COMMD10: variants seen among roughly 807,000 people sequenced by gnomAD.
The protein encoded by COMMD10 is COMM domain-containing protein 10.
Under a neutral mutation model 28.9 loss-of-function variants are expected in COMMD10, and 33 were observed. That is an observed-to-expected ratio of 1.14 (90% CI 0.87 to 1.53). The LOEUF is 1.53. COMMD10 is among the 40% of genes most tolerant of loss of function. The pLI, the probability that COMMD10 is intolerant of heterozygous loss-of-function variation, is 0.00. For missense variants in COMMD10, 310 were observed against 233.4 expected, an observed-to-expected ratio of 1.33 and a Z score of -2.14; for synonymous variants, 110 against 81.7, an observed-to-expected ratio of 1.35 and a Z score of -1.87.
chr5:116,261,541 C>T lies in COMMD10; in HGVS notation c.511-29976C>T, dbSNP rs1034764143. The stretch of plus-strand genomic sequence containing the variant: ...GCTGGGGACTTCTAAAAACATGTTA[C>T]CATGACTAGAAATTTTTATTTCAGT... On this transcript the variant is annotated intron_variant, in intron 5 of 6. Transcript: ENST00000274458. Among the ~76,000 whole-genome samples the T allele has an allele frequency of 7.3e-5, 11 of 151,704 alleles. No individual in the cohort carries two copies. The East Asian group carries it at 1.5e-3, about 21-fold the overall frequency.
chr5:116,118,259 TA>T (rs1250521642), intron 4 of COMMD10, among the ~76,000 whole-genome samples: 1 of 152,316 alleles, frequency 6.6e-6, no homozygotes, highest in South Asian at 2.1e-4. Flanking sequence ...CCATAATATT[TA>T]TTTTTTTTGT....
At chr5:116,206,638 G>A (rs547486163) in intron 5 of COMMD10, among the ~76,000 whole-genome samples, 9 of 151,946 alleles carry the variant, frequency 5.9e-5, no homozygotes, top group African/African-American at 2.2e-4. Context: ...GGCAACAAGA[G>A]TGAAACTCCA....
chr5:116,199,639 C>G (rs1245598961), intron 5 of COMMD10, among the ~76,000 whole-genome samples: 12 of 152,142 alleles, frequency 7.9e-5, no homozygotes, highest in Admixed American at 7.9e-4. Flanking sequence ...TTATGTAGAT[C>G]TGAGTTTCTG....
intron 5 of COMMD10, among the ~76,000 whole-genome samples, chr5:116,178,509 G>A (rs1031106245): frequency 6.6e-6 from 1 of 151,918 alleles, no homozygotes; most frequent in African/African-American, 2.4e-5. Flanking sequence ...ATGTATCTTG[G>A]GTATGCAAAT....
chr5:116,163,061 A>G (rs751486614), intron 5 of COMMD10, among the ~76,000 whole-genome samples: 10 of 152,082 alleles, frequency 6.6e-5, no homozygotes, highest in Non-Finnish European at 1.5e-4. Flanking sequence ...AGAGGTTCAG[A>G]TAAGAAGAGT....
intron 5 of COMMD10, among the ~76,000 whole-genome samples, chr5:116,269,328 G>C (rs1337666703): frequency 6.6e-6 from 1 of 151,790 alleles, no homozygotes; most frequent in Non-Finnish European, 1.5e-5. Flanking sequence ...AATCCACTTG[G>C]AGAAATTTTG....
intron 5 of COMMD10, among the ~76,000 whole-genome samples, chr5:116,149,379 G>A (rs1048471262): frequency 6.8e-6 from 1 of 146,160 alleles, no homozygotes; most frequent in African/African-American, 2.6e-5. Context: ...CGAGTAGTGG[G>A]ATGGCTGGGT....
At chr5:116,114,965 C>G (rs929732196) in intron 4 of COMMD10, among the ~76,000 whole-genome samples, 1 of 152,114 alleles carries the variant, frequency 6.6e-6, no homozygotes, top group Non-Finnish European at 1.5e-5. Flanking sequence ...GTCACGCTTG[C>G]TTTTCAGTCC....
intron 5 of COMMD10, among the ~76,000 whole-genome samples, chr5:116,204,219 G>T (rs1387822797): frequency 6.6e-6 from 1 of 152,146 alleles, no homozygotes; most frequent in Non-Finnish European, 1.5e-5. Flanking sequence ...ACCCAATACA[G>T]GAGCACCCGG....
chr5:116,218,502 A>T (rs1228962554), intron 5 of COMMD10, among the ~76,000 whole-genome samples: 1 of 152,110 alleles, frequency 6.6e-6, no homozygotes, highest in Non-Finnish European at 1.5e-5. Flanking sequence ...GTTTTTCCTC[A>T]CACAATTTCT....
At chr5:116,286,671 A>G (rs1311103345) in intron 5 of COMMD10, among the ~76,000 whole-genome samples, 1 of 151,612 alleles carries the variant, frequency 6.6e-6, no homozygotes, top group African/African-American at 2.4e-5. Flanking sequence ...TAGATTTCCC[A>G]GTTTTCCTTG....
At chr5:116,192,394 G>A (rs753640003) in intron 5 of COMMD10, among the ~76,000 whole-genome samples, 19 of 152,070 alleles carry the variant, frequency 1.2e-4, no homozygotes, top group Non-Finnish European at 2.4e-4. Flanking sequence ...GAAAGGTGAA[G>A]CCCAATGCAA....
In COMMD10 at chr5:116,261,156, A is replaced by G. The variant is rs138139597; in HGVS notation, c.511-30361A>G. On this transcript the variant is annotated intron_variant, in intron 5 of 6. Transcript: ENST00000274458. Reference sequence around the variant, plus strand: ...AAAAACATATTTCAGGAAGAAAACTATAACTAATTAAATTTCTCAGTACTA... The same window carrying G: ...AAAAACATATTTCAGGAAGAAAACTGTAACTAATTAAATTTCTCAGTACTA... Among the ~76,000 whole-genome samples, 53 of 151,958 alleles carry G rather than the reference A, an allele frequency of 3.5e-4. No homozygotes were observed. The East Asian group carries it at 9.3e-3, about 27-fold the overall frequency.
chr5:116,282,798 A>G (rs531670249), intron 5 of COMMD10, among the ~76,000 whole-genome samples: 1 of 151,980 alleles, frequency 6.6e-6, no homozygotes, highest in South Asian at 2.1e-4. Context: ...CTCATTGACT[A>G]CATTTTACCT....
intron 5 of COMMD10, among the ~76,000 whole-genome samples, chr5:116,173,799 AT>A (rs78899761): frequency 0.058 from 8,155 of 141,720 alleles, 306 homozygotes; most frequent in East Asian, 0.17. Context: ...TTGTTAATCC[AT>A]TTTTTTTCCA....
At chr5:116,098,837 T>G (rs983277033) in intron 4 of COMMD10, among the ~76,000 whole-genome samples, 18 of 152,198 alleles carry the variant, frequency 1.2e-4, no homozygotes, top group Non-Finnish European at 1.2e-4. Flanking sequence ...GTATAATTGA[T>G]AAACAAAAAT....
At position 116,147,188 on chromosome 5, in the gene COMMD10, T is replaced by C. The variant is rs1203203541; in HGVS notation, c.510+13010T>C. Among the ~76,000 whole-genome samples, 4 of 151,890 alleles carry C rather than the reference T, an allele frequency of 2.6e-5. No individual in the cohort carries two copies. In the East Asian group the frequency reaches 7.7e-4, roughly 29 times the overall value. On this transcript the variant is annotated intron_variant, in intron 5 of 6. Transcript: ENST00000274458. ...GAATCTGCTGAAGACAGCTGTTCGG[T>C]TAGTGCACAAGGAACAGTCAATTTT...
chr5:116,109,303 C>T (rs1215181417), intron 4 of COMMD10, among the ~76,000 whole-genome samples: 1 of 152,194 alleles, frequency 6.6e-6, no homozygotes, highest in Non-Finnish European at 1.5e-5. Flanking sequence ...ATGTATTTGG[C>T]TGAGCACTAT....
intron 5 of COMMD10, among the ~76,000 whole-genome samples, chr5:116,249,351 A>T (rs1460208867): frequency 1.3e-5 from 2 of 151,964 alleles, no homozygotes; most frequent in Admixed American, 1.3e-4. Context: ...TGGCCTGGCC[A>T]TGGCAAACCA....
Sources: allele counts gnomAD v4.1 joint callset (sites outside exome capture counted in the v4.1 genomes callset), GRCh38; gene constraint gnomAD v4.1.1; transcripts MANE v1.5; gene names NCBI Gene and HGNC (gene_info 2026-07-23, HGNC 2026-07-21).